MAGI1: variants seen among roughly 807,000 people sequenced by gnomAD.
The protein encoded by MAGI1 is membrane-associated guanylate kinase, WW and PDZ domain-containing protein 1.
In MAGI1, 58 loss-of-function variants were observed where a neutral mutation model predicts 139.9. That is an observed-to-expected ratio of 0.41 (90% CI 0.34 to 0.52). MAGI1 has a LOEUF of 0.52. Ranked by LOEUF, MAGI1 falls within the 20% of genes least tolerant of loss-of-function variation. MAGI1 has a pLI of 0.12. For synonymous variants in MAGI1, 812 were observed against 737.9 expected (o/e 1.10, Z -1.63); for missense variants, 1,874 against 1,901.6 (o/e 0.99, Z 0.27).
chr3:65,484,931 TA>T (rs768311434), intron 3 of MAGI1, among the ~76,000 whole-genome samples: 2 of 152,210 alleles, frequency 1.3e-5, no homozygotes, highest in African/African-American at 2.4e-5. Flanking sequence ...CTCTAGACTA[TA>T]AACTCAAAGA....
chr3:65,621,806 C>T (rs2083683368), intron 2 of MAGI1, among the ~76,000 whole-genome samples, 166 bp downstream of exon 2: 1 of 151,964 alleles, frequency 6.6e-6, no homozygotes, highest in Admixed American at 6.6e-5. Flanking sequence ...CCAGGCACAC[C>T]ACGACACTGT....
intron 1 of MAGI1, among the ~76,000 whole-genome samples, chr3:65,853,933 C>T (rs2059290473): frequency 6.6e-6 from 1 of 152,016 alleles, no homozygotes. Flanking sequence ...GGTGAAACTT[C>T]ATCCCCACTA....
chr3:65,834,441 G>A (rs2042694146), intron 1 of MAGI1, among the ~76,000 whole-genome samples: 1 of 152,202 alleles, frequency 6.6e-6, no homozygotes. Flanking sequence ...TATGGTTGGA[G>A]AATATACTCT....
chr3:65,661,288 A>G (rs1340165371), intron 1 of MAGI1, among the ~76,000 whole-genome samples: 1 of 152,200 alleles, frequency 6.6e-6, no homozygotes, highest in Non-Finnish European at 1.5e-5. Flanking sequence ...TAAATTACAG[A>G]ATGAGTGATT....
At chr3:65,534,182 T>G (rs997219963) in intron 2 of MAGI1, among the ~76,000 whole-genome samples, 1 of 152,172 alleles carries the variant, frequency 6.6e-6, no homozygotes, top group South Asian at 2.1e-4. Context: ...GGCAGTCCTA[T>G]TTCCAAATTA....
chr3:65,602,461 C>T (rs769665849), intron 2 of MAGI1, among the ~76,000 whole-genome samples: 2 of 150,868 alleles, frequency 1.3e-5, no homozygotes, highest in African/African-American at 4.9e-5. Flanking sequence ...TTGTGTTATT[C>T]CATTTATATG....
At chr3:65,996,777 C>T (rs998057591) in intron 1 of MAGI1, among the ~76,000 whole-genome samples, 3 of 152,228 alleles carry the variant, frequency 2.0e-5, no homozygotes, top group Non-Finnish European at 2.9e-5. Flanking sequence ...CGGGCACTCA[C>T]GAAGTTTCAT....
intron 1 of MAGI1, among the ~76,000 whole-genome samples, chr3:65,958,482 T>C (rs2064245505): frequency 6.6e-6 from 1 of 152,218 alleles, no homozygotes; most frequent in Admixed American, 6.5e-5. Context: ...AGTCATTTCA[T>C]GCCTTGACCG....
At chr3:65,887,128 T>C (rs771304871) in intron 1 of MAGI1, among the ~76,000 whole-genome samples, 5 of 151,984 alleles carry the variant, frequency 3.3e-5, no homozygotes, top group Non-Finnish European at 7.4e-5. Context: ...ATGTATGCCA[T>C]CTCAAAAAAA....
chr3:65,595,279 C>T (rs1023633219), intron 2 of MAGI1, among the ~76,000 whole-genome samples: 1 of 152,212 alleles, frequency 6.6e-6, no homozygotes, highest in Non-Finnish European at 1.5e-5. Context: ...GGCATAGTTT[C>T]TGTTCTTATA....
intron 2 of MAGI1, among the ~76,000 whole-genome samples, chr3:65,565,553 C>G (rs975873191): frequency 1.3e-5 from 2 of 152,154 alleles, no homozygotes; most frequent in African/African-American, 4.8e-5. Flanking sequence ...CAACACTACT[C>G]TCATTAAGAA....
intron 1 of MAGI1, among the ~76,000 whole-genome samples, chr3:65,728,354 C>T (rs970511981): frequency 2.6e-5 from 4 of 152,104 alleles, no homozygotes; most frequent in African/African-American, 7.2e-5. Flanking sequence ...AGAGACAGAC[C>T]ACGTGGGATC....
intron 1 of MAGI1, among the ~76,000 whole-genome samples, chr3:65,850,359 G>A (rs993625758): frequency 1.3e-5 from 2 of 151,934 alleles, no homozygotes; most frequent in African/African-American, 2.4e-5. Flanking sequence ...CAGTTTGCCC[G>A]GCGCTTTCTG....
chr3:65,582,750 T>A (rs1009185283), intron 2 of MAGI1, among the ~76,000 whole-genome samples: 1 of 152,174 alleles, frequency 6.6e-6, no homozygotes, highest in Non-Finnish European at 1.5e-5. Flanking sequence ...AGTCATCTAC[T>A]CCAATCACCT....
At chr3:65,798,872 A>C (rs1353692898) in intron 1 of MAGI1, among the ~76,000 whole-genome samples, 2 of 152,172 alleles carry the variant, frequency 1.3e-5, no homozygotes, top group East Asian at 3.9e-4. Flanking sequence ...TCAAAGGGGA[A>C]CCGGCCTTTA....
At chr3:65,442,127 C>T (rs1236994755) in intron 8 of MAGI1, among the ~76,000 whole-genome samples, 1 of 145,538 alleles carries the variant, frequency 6.9e-6, no homozygotes, top group Non-Finnish European at 1.5e-5. Flanking sequence ...CTTTTAATAT[C>T]ATCCTATCCA....
intron 2 of MAGI1, among the ~76,000 whole-genome samples, chr3:65,539,932 A>C (rs919283321): frequency 2.0e-5 from 3 of 152,120 alleles, no homozygotes; most frequent in Non-Finnish European, 4.4e-5. Flanking sequence ...CTTTAAACAA[A>C]GTTTGGATTT....
At chr3:65,369,705 C>T (rs531095121) in intron 18 of MAGI1, among the ~76,000 whole-genome samples, 14 of 152,146 alleles carry the variant, frequency 9.2e-5, no homozygotes, top group Admixed American at 2.6e-4. Context: ...GACAGCGTTT[C>T]GCCATGTTGC....
chr3:65,903,504 T>A (rs1182149041), intron 1 of MAGI1, among the ~76,000 whole-genome samples: 2 of 152,142 alleles, frequency 1.3e-5, no homozygotes. Context: ...AGAGCACTCA[T>A]GAAATGTTCT....
Sources: gnomAD v4.1 joint callset for allele counts (sites outside exome capture counted in the v4.1 genomes callset) on GRCh38, gnomAD v4.1.1 for gene constraint, MANE v1.5 for transcripts, NCBI Gene and HGNC (gene_info 2026-07-23, HGNC 2026-07-21) for gene names.